CNOT6: variants seen among roughly 807,000 people sequenced by gnomAD.
CNOT6 encodes the protein carbon catabolite repression 4 protein.
In CNOT6, 12 loss-of-function variants were observed where a neutral mutation model predicts 61.2. The observed-to-expected ratio is 0.20, with a 90% CI of 0.13 to 0.32. The LOEUF (loss-of-function observed/expected upper bound fraction) is 0.32. CNOT6 is among the 10% of genes least tolerant of loss of function. CNOT6 has a pLI of 1.00. For missense variants in CNOT6, 405 were observed against 663.9 expected (o/e 0.61, Z 4.28); for synonymous variants, 225 against 240.6 (o/e 0.94, Z 0.60).
intron 2 of CNOT6, among the ~76,000 whole-genome samples, chr5:180,535,424 C>T (rs896329802): frequency 1.7e-4 from 26 of 152,294 alleles, no homozygotes; most frequent in Middle Eastern, 3.4e-3. Flanking sequence ...TTGACTGTTT[C>T]TGAGTTGTTT....
At chr5:180,561,356 T>TTTTGTG (rs139051889) in intron 4 of CNOT6, among the ~76,000 whole-genome samples, 7 of 144,748 alleles carry the variant, frequency 4.8e-5, no homozygotes, top group African/African-American at 1.3e-4. Context: ...CTTGTGTGTT[T>TTTTGTG]TGTGTGTGTG....
intron 2 of CNOT6, among the ~76,000 whole-genome samples, chr5:180,531,163 C>T (rs1217291244): frequency 3.1e-5 from 4 of 129,972 alleles, no homozygotes; most frequent in African/African-American, 1.1e-4. Context: ...CGCCCCCCAC[C>T]TCCCTCCCAG....
intron 2 of CNOT6, among the ~76,000 whole-genome samples, chr5:180,530,561 C>CTTTTTTTTTTTTTT (rs70973925): frequency 8.4e-6 from 1 of 119,446 alleles, no homozygotes; most frequent in Non-Finnish European, 1.8e-5. Context: ...CTTCTGATTT[C>CTTTTTTTTTTTTTT]TTTTTTTTTT....
intron 1 of CNOT6, among the ~76,000 whole-genome samples, chr5:180,505,641 A>G (rs912482837): frequency 1.6e-4 from 23 of 143,178 alleles, no homozygotes; most frequent in African/African-American, 4.7e-4. Context: ...TCCGCCTCCC[A>G]GGTTTACGCC....
chr5:180,562,226 T>G (rs1760223493), intron 4 of CNOT6, among the ~76,000 whole-genome samples: 1 of 152,180 alleles, frequency 6.6e-6, no homozygotes, highest in South Asian at 2.1e-4. Context: ...GAGTTTTGTG[T>G]TTGCTTTACA....
At chr5:180,570,592 T>G (rs1561667588) in intron 10 of CNOT6, among the ~76,000 whole-genome samples, 1 of 152,202 alleles carries the variant, frequency 6.6e-6, no homozygotes. Flanking sequence ...AACATTAATA[T>G]CCAAGACCCA....
chr5:180,535,926 G>A (rs900184776), intron 2 of CNOT6, among the ~76,000 whole-genome samples: 8 of 139,968 alleles, frequency 5.7e-5, no homozygotes, highest in Non-Finnish European at 9.3e-5. Flanking sequence ...CATTTTTTTC[G>A]TATTTGTTGG....
At position 180,505,975 on chromosome 5, in the gene CNOT6, A is replaced by G. The variant is rs570489464; in HGVS notation, c.-3+11212A>G. Among the ~76,000 whole-genome samples the G allele has an allele frequency of 3.9e-5, 6 of 152,312 alleles. No homozygotes were observed. The East Asian group carries it at 1.2e-3, about 29-fold the overall frequency. ...AGGTGAGGAGGTTAATTTGGGAAAG[A>G]TGATGCATCTGAGACATAAATGAGG... On this transcript the variant is annotated intron_variant, in intron 1 of 11. Transcript: ENST00000261951.
intron 2 of CNOT6, among the ~76,000 whole-genome samples, chr5:180,537,511 A>G (rs1246645027): frequency 6.6e-6 from 1 of 151,824 alleles, no homozygotes; most frequent in Non-Finnish European, 1.5e-5. Flanking sequence ...TTTTTTTTTA[A>G]ACTTTTAAAA....
At chr5:180,556,332 A>G (rs1176579743) in intron 4 of CNOT6, among the ~76,000 whole-genome samples, 5 of 152,192 alleles carry the variant, frequency 3.3e-5, no homozygotes, top group Non-Finnish European at 7.3e-5. Flanking sequence ...CACAGGGGGA[A>G]TAGGTCTGGT....
chr5:180,499,429 G>C (rs11249715), intron 1 of CNOT6, among the ~76,000 whole-genome samples: 40,897 of 152,098 alleles, frequency 0.27, 6,132 homozygotes, highest in Middle Eastern at 0.41. Context: ...TAAACATTTT[G>C]TGAAATTTTG....
At chr5:180,499,516 A>G (rs1430940469) in intron 1 of CNOT6, among the ~76,000 whole-genome samples, 2 of 152,258 alleles carry the variant, frequency 1.3e-5, no homozygotes, top group Non-Finnish European at 2.9e-5. Flanking sequence ...AGAAGTTCTC[A>G]TACAACTGTT....
rs1761034934 is a variant in CNOT6 at position 180,577,064 on chromosome 5, T to A, written c.*2864T>A. 6.6e-6 allele frequency: 1 copy of A among 152,586 alleles called. No homozygotes were observed. The highest frequency in any genetic ancestry group is 1.5e-5 in the Non-Finnish European group (1 of 68,044). The allele number at this position is 152,586 out of a possible 1,614,324, so 9.5% of individuals were successfully genotyped here. On this transcript the variant is annotated 3_prime_UTR_variant, in exon 12 of 12. Transcript: ENST00000261951. ...GCTTTGAGAGTTTCAATATTGTTCG[T>A]CAAGTTAACTTATGGCATAATTTAA... is the stretch of plus-strand genomic sequence containing the variant.
intron 2 of CNOT6, among the ~76,000 whole-genome samples, chr5:180,549,225 T>C (rs2127742681): frequency 6.6e-6 from 1 of 152,342 alleles, no homozygotes; most frequent in African/African-American, 2.4e-5. Context: ...TTTCTGGAGA[T>C]ATGAACAGCC....
chr5:180,511,181 A>G (rs1460586329), intron 1 of CNOT6, among the ~76,000 whole-genome samples: 3 of 150,540 alleles, frequency 2.0e-5, no homozygotes, highest in African/African-American at 7.3e-5. Context: ...TTTAAATATA[A>G]TTAAATTTTT....
chr5:180,496,608 A>G (rs1219238955), intron 1 of CNOT6, among the ~76,000 whole-genome samples: 1 of 152,064 alleles, frequency 6.6e-6, no homozygotes, highest in Non-Finnish European at 1.5e-5. Flanking sequence ...AGGTTGAGGA[A>G]GGAGGATGGC....
At chr5:180,513,691 TTATTTATTTTTA>T (rs1290448535) in intron 1 of CNOT6, among the ~76,000 whole-genome samples, 1 of 134,614 alleles carries the variant, frequency 7.4e-6, no homozygotes, top group East Asian at 2.1e-4. Context: ...ATTTATTTAT[TTATTTATTTTTA>T]TTTATTTATT....
At chr5:180,552,645 C>A (rs75506803) in intron 3 of CNOT6, among the ~76,000 whole-genome samples, 73 of 134,598 alleles carry the variant, frequency 5.4e-4, no homozygotes, top group Admixed American at 6.8e-4. Flanking sequence ...GACTCCGTCT[C>A]AAAAAAAAAA....
chr5:180,531,465 A>T (rs950919761), intron 2 of CNOT6, among the ~76,000 whole-genome samples: 4 of 131,782 alleles, frequency 3.0e-5, no homozygotes, highest in Non-Finnish European at 6.4e-5. Flanking sequence ...CCTAGACGGG[A>T]TGGCGGCTGG....
Sources: gnomAD v4.1 joint callset for allele counts (sites outside exome capture counted in the v4.1 genomes callset) on GRCh38, gnomAD v4.1.1 for gene constraint, MANE v1.5 for transcripts, NCBI Gene and HGNC (gene_info 2026-07-23, HGNC 2026-07-21) for gene names.